The following ESYT1 variants were observed in gnomAD, a reference collection of about 807,000 sequenced individuals.
ESYT1 encodes the protein extended synaptotagmin-1.
ESYT1 carries 116 observed loss-of-function variants against 154.2 expected under a neutral mutation model. The observed-to-expected ratio is 0.75, with a 90% CI of 0.65 to 0.88. The LOEUF (loss-of-function observed/expected upper bound fraction) is 0.88, where lower values mean the gene tolerates loss of function less well. ESYT1 is among the 40% of genes least tolerant of loss of function. ESYT1 has a pLI of 0.00. For synonymous variants in ESYT1, 500 were observed against 539.9 expected (o/e 0.93, Z 1.02); for missense variants, 1,264 against 1,379.3 (o/e 0.92, Z 1.32).
chr12:56,142,871 G>T lies in ESYT1; in HGVS notation c.2925G>T (p.Val975=). ...CTCCAGCCGGGCCTCTGGGCCAGGTGAAACTGACTCTGTGGTACTACAGTG... is the reference window on the plus strand; with the variant it reads ...CTCCAGCCGGGCCTCTGGGCCAGGTTAAACTGACTCTGTGGTACTACAGTG... The part of the protein sequence containing the change: ...LEAPAGPLGQ[V]KLTLWYYSEE... The change falls in exon 27 of 31, where the codon GTG becomes GTT. Residue 975 remains valine, a synonymous_variant. Transcript: ENST00000394048. This position sits in a 1 kb window ranked among gnomAD's most constrained non-coding sequence, Gnocchi z 4.1. 6.2e-7 allele frequency: 1 copy of T among 1,614,186 alleles called. No homozygotes were observed. Among genetic ancestry groups the T allele is most frequent in the Non-Finnish European group, 8.5e-7 (1 of 1,180,042 alleles).
chr12:56,130,286 C>T (rs1293711282), intron 1 of ESYT1: 9 of 492,824 alleles, frequency 1.8e-5, no homozygotes, highest in East Asian at 6.7e-5. Flanking sequence ...AGAAAGAATG[C>T]GCCCTTCTCC....
At chr12:56,138,681 C>T in intron 22 of ESYT1, 87 bp from the exon 23 acceptor site, 1 of 1,399,812 alleles carries the variant, frequency 7.1e-7, no homozygotes, top group South Asian at 1.2e-5. Flanking sequence ...ATAATGGAGA[C>T]ATGGCTGCTG....
intron 16 of ESYT1, 120 bp from the exon 17 acceptor site, chr12:56,137,098 G>A: frequency 2.2e-6 from 3 of 1,390,740 alleles, no homozygotes; most frequent in East Asian, 4.6e-5. Flanking sequence ...GTAGAGATGA[G>A]CCCAGCCAGG....
rs1870776953 is a variant in ESYT1, at chr12:56,143,028, A to G, written c.2999A>G (p.Gln1000Arg). ...SIVHGCRSLR[Q>R]NGRDPPDPYV... The stretch of plus-strand genomic sequence containing the variant: ...TCCTCCTGTTGTAGGTCCCTTCGAC[A>G]GAATGGACGTGATCCTCCTGATCCC... The change falls in exon 28 of 31, where the codon CAG (glutamine) becomes CGG (arginine). Residue 1000 changes from glutamine (Q) to arginine (R), a missense_variant. Transcript: ENST00000394048. The G allele has an allele frequency of 6.2e-7, 1 of 1,614,188 alleles. No homozygotes were observed. The highest frequency in any genetic ancestry group is 8.5e-7 in the Non-Finnish European group (1 of 1,180,028).
rs764514761 is a variant in ESYT1, at chr12:56,131,061, A to G, written c.589A>G (p.Lys197Glu). The change falls in exon 4 of 31, where the codon AAG becomes GAG. Residue 197 changes from lysine (K) to glutamate (E), a missense_variant. By Grantham distance (56) the Lys-to-Glu change is moderately conservative (BLOSUM62 1). Coordinates refer to ENST00000394048, the MANE Select transcript of ESYT1 (RefSeq NM_015292.3). ...CTAGCCATTGCGCATCATTGGAGTC[A>G]AGGTTCACCCAGGTCAGAGAAAAGA... is the stretch of plus-strand genomic sequence containing the variant. ...GEKPLRIIGVKVHPGQRKEQI... is the reference protein window; with the variant it reads ...GEKPLRIIGVEVHPGQRKEQI... 1 of 1,614,128 alleles carries G rather than the reference A, an allele frequency of 6.2e-7. No individual in the cohort carries two copies. Among genetic ancestry groups the G allele is most frequent in the South Asian group, 1.1e-5 (1 of 91,076 alleles).
chr12:56,128,715 C>T lies in ESYT1; in HGVS notation c.390+6C>T. The T allele has an allele frequency of 1.1e-5, 18 of 1,612,718 alleles. No homozygotes were observed. The highest frequency in any genetic ancestry group is 1.4e-5 in the Non-Finnish European group (17 of 1,180,000). ...ATCGAGAGCTACCTGCCTGGGTGAG[C>T]GACCACCCTCGGTCCTCTGTGCAGC... On this transcript the variant is annotated splice_donor_region_variant and intron_variant, in intron 1 of 30. Transcript: ENST00000394048.
intron 1 of ESYT1, chr12:56,129,398 CT>C (rs1870137310): frequency 6.5e-6 from 1 of 154,482 alleles, no homozygotes; most frequent in African/African-American, 2.4e-5. Flanking sequence ...GTGGGCTGCG[CT>C]TGTTCCGTTG....
chr12:56,141,310 G>A (rs1281111079), intron 24 of ESYT1, among the ~76,000 whole-genome samples: 1 of 152,212 alleles, frequency 6.6e-6, no homozygotes, highest in Non-Finnish European at 1.5e-5. Flanking sequence ...AATTCCGTGA[G>A]AACAAAGAAA....
At chr12:56,141,553 A>C (rs570563478) in intron 24 of ESYT1, among the ~76,000 whole-genome samples, 14 of 152,248 alleles carry the variant, frequency 9.2e-5, no homozygotes, top group East Asian at 5.8e-4. Context: ...ATCCTGGCTA[A>C]CACGGTGAAA....
In ESYT1 at chr12:56,144,040, C is replaced by T. The variant is rs1430174690; in HGVS notation, c.*178C>T. The T allele has an allele frequency of 6.8e-7, 1 of 1,460,244 alleles. No individual in the cohort carries two copies. Among genetic ancestry groups the T allele is most frequent in the East Asian group, 2.5e-5 (1 of 40,534 alleles). 90.5% of individuals were successfully genotyped at this position (1,460,244 alleles called of 1,614,324 possible). A position where few individuals can be genotyped will look rare whatever the true frequency, so the allele number is the denominator to read the frequency against. ...TGACCAAAGAGAAGAACCGTATGTT[C>T]CCTTTACTGCACGGCCTTTATCCTT... On this transcript the variant is annotated 3_prime_UTR_variant, in exon 31 of 31. Coordinates refer to ENST00000394048, the MANE Select transcript of ESYT1 (RefSeq NM_015292.3).
chr12:56,140,617 C>A (rs1870651692), intron 24 of ESYT1, among the ~76,000 whole-genome samples: 1 of 152,206 alleles, frequency 6.6e-6, no homozygotes, highest in Admixed American at 6.5e-5. Flanking sequence ...ACTGCCTCGG[C>A]CTCCCAAAGT....
rs1870263363 is a variant in ESYT1 at position 56,132,212 on chromosome 12, ACTCT to A, written c.867_870del (p.Ser290ThrfsTer3). On this transcript the variant is annotated frameshift_variant, in exon 8 of 31. Transcript: ENST00000394048. LOFTEE classifies it high-confidence loss of function. ...TCCTTTCTACTCCCCCATTCAGCTCACTCTCTGACACCATGATCATGGACTCCAT... is the reference window on the plus strand; with the variant it reads ...TCCTTTCTACTCCCCCATTCAGCTCACTGACACCATGATCATGGACTCCAT... The A allele has an allele frequency of 6.2e-7, 1 of 1,613,782 alleles. No homozygotes were observed. Among genetic ancestry groups the A allele is most frequent in the South Asian group, 1.1e-5 (1 of 91,078 alleles).
intron 10 of ESYT1, 138 bp from the exon 11 acceptor site, chr12:56,133,279 A>G: frequency 2.3e-6 from 2 of 869,538 alleles, no homozygotes; most frequent in South Asian, 1.4e-5. Flanking sequence ...ATGCAGGTGA[A>G]TATCTTCTGA....
At position 56,142,613 on chromosome 12, in the gene ESYT1, TAGCCACAGCTAC is replaced by T. The variant is rs1209593127; in HGVS notation, c.2780_2791del (p.Tyr927_Ser930del). ...CCCAGCACTCGGGAGTGGAAGCTCA[TAGCCACAGCTAC>T]AGCCACAGCTCCTCATCGCTGAGTG... On this transcript the variant is annotated inframe_deletion, in exon 26 of 31. Coordinates refer to ENST00000394048, the MANE Select transcript of ESYT1 (RefSeq NM_015292.3). This position sits in a 1 kb window ranked among gnomAD's most constrained non-coding sequence, Gnocchi z 4.1. The T allele has an allele frequency of 3.7e-6, 6 of 1,613,990 alleles. No homozygotes were observed. The highest frequency in any genetic ancestry group is 2.2e-5 in the South Asian group (2 of 91,088).
chr12:56,138,369 G>A (rs766395200), intron 21 of ESYT1, 35 bp from the exon 22 acceptor site: 1 of 1,612,652 alleles, frequency 6.2e-7, no homozygotes, highest in Non-Finnish European at 8.5e-7. Flanking sequence ...CAAGGTGTCA[G>A]TTACCACTCC....
chr12:56,141,557 G>A (rs187863898), intron 24 of ESYT1, among the ~76,000 whole-genome samples: 67 of 152,210 alleles, frequency 4.4e-4, no homozygotes, highest in South Asian at 1.7e-3. Context: ...TGGCTAACAC[G>A]GTGAAACCCT....
At chr12:56,128,784 T>C (rs550192199) in intron 1 of ESYT1, 75 bp downstream of exon 1, 1 of 1,566,784 alleles carries the variant, frequency 6.4e-7, no homozygotes, top group Non-Finnish European at 8.7e-7. Context: ...TTCCTCCTTA[T>C]GCCTAGAGTC....
intron 24 of ESYT1, among the ~76,000 whole-genome samples, chr12:56,139,291 T>A (rs981575909): frequency 2.0e-5 from 3 of 151,852 alleles, no homozygotes; most frequent in Admixed American, 6.6e-5. Flanking sequence ...GCATTTTTTT[T>A]AGTAGAGATG....
Position 56,144,032 on chromosome 12 carries a change from C to CGTATGTTCCCTTTACT in ESYT1, c.*172_*187dup. ...CCTTTGCCTGACCAAAGAGAAGAAC[C>CGTATGTTCCCTTTACT]GTATGTTCCCTTTACTGCACGGCCT... is the stretch of plus-strand genomic sequence containing the variant. On this transcript the variant is annotated 3_prime_UTR_variant, in exon 31 of 31. Transcript: ENST00000394048. 6.8e-7 allele frequency: 1 copy of CGTATGTTCCCTTTACT among 1,474,862 alleles called. No individual in the cohort carries two copies. The highest frequency in any genetic ancestry group is 1.3e-5 in the South Asian group (1 of 74,248). 91.4% of individuals were successfully genotyped at this position (1,474,862 alleles called of 1,614,324 possible).
Sources: allele counts gnomAD v4.1 joint callset (sites outside exome capture counted in the v4.1 genomes callset), GRCh38; gene constraint gnomAD v4.1.1; non-coding constraint Gnocchi (gnomAD v3.1); transcripts MANE v1.5; gene names NCBI Gene and HGNC (gene_info 2026-07-23, HGNC 2026-07-21).